Variants in BRINP3 observed in about 807,000 individuals in gnomAD.
The protein encoded by BRINP3 is BMP/retinoic acid inducible neural specific 3, also known as BMP/retinoic acid-inducible neural-specific protein 3.
Under a neutral mutation model 71.0 loss-of-function variants are expected in BRINP3, and 19 were observed. The ratio of observed to expected loss-of-function variants is 0.27; its 90% CI spans 0.19 to 0.39. The LOEUF is 0.39. Ranked by LOEUF, BRINP3 falls within the 10% of genes least tolerant of loss-of-function variation. The pLI, the probability that BRINP3 is intolerant of heterozygous loss-of-function variation, is 1.00. For missense variants in BRINP3, 959 were observed against 940.8 expected (o/e 1.02, Z -0.25); for synonymous variants, 380 against 337.7 (o/e 1.13, Z -1.37).
intron 2 of BRINP3, among the ~76,000 whole-genome samples, chr1:190,288,859 TA>T (rs1663636202): frequency 6.6e-6 from 1 of 151,906 alleles, no homozygotes; most frequent in Admixed American, 6.6e-5. Flanking sequence ...TTGTTCCAGG[TA>T]TAGACTAATA....
chr1:190,445,964 G>A (rs1053870249), intron 2 of BRINP3, among the ~76,000 whole-genome samples: 8 of 152,058 alleles, frequency 5.3e-5, no homozygotes, highest in Admixed American at 3.3e-4. Context: ...TAACAAACAT[G>A]AATACACTAT....
intron 2 of BRINP3, among the ~76,000 whole-genome samples, chr1:190,400,660 C>T (rs1332612439): frequency 6.6e-6 from 1 of 152,142 alleles, no homozygotes. Flanking sequence ...CACCTATAAG[C>T]ACCATTCTTC....
chr1:190,262,927 CT>C (rs1469329913), intron 4 of BRINP3, among the ~76,000 whole-genome samples: 3 of 151,428 alleles, frequency 2.0e-5, no homozygotes, highest in Non-Finnish European at 4.4e-5. Context: ...ATATATATTT[CT>C]TTTTTTGTGC....
intron 2 of BRINP3, among the ~76,000 whole-genome samples, chr1:190,441,172 T>C (rs916112764): frequency 6.6e-6 from 1 of 151,762 alleles, no homozygotes; most frequent in Admixed American, 6.6e-5. Flanking sequence ...TTAATACAGA[T>C]CCACAGTGCT....
chr1:190,269,708 T>C (rs897056817), intron 3 of BRINP3, among the ~76,000 whole-genome samples: 1 of 152,088 alleles, frequency 6.6e-6, no homozygotes, highest in Non-Finnish European at 1.5e-5. Context: ...GCTATATTAC[T>C]TTGCAATGAC....
At chr1:190,326,523 A>G (rs1290393885) in intron 2 of BRINP3, among the ~76,000 whole-genome samples, 2 of 152,100 alleles carry the variant, frequency 1.3e-5, no homozygotes, top group Non-Finnish European at 2.9e-5. Flanking sequence ...TCACCAATAC[A>G]GAAAAAAATC....
chr1:190,215,931 C>G (rs1656373534), intron 6 of BRINP3, among the ~76,000 whole-genome samples: 1 of 150,118 alleles, frequency 6.7e-6, no homozygotes, highest in Non-Finnish European at 1.5e-5. Context: ...TTATATAGAC[C>G]AATCTCTTTA....
At chr1:190,425,387 C>T (rs1226290758) in intron 2 of BRINP3, among the ~76,000 whole-genome samples, 1 of 151,710 alleles carries the variant, frequency 6.6e-6, no homozygotes, top group African/African-American at 2.4e-5. Flanking sequence ...GATTTTGTCT[C>T]AACATAAGCA....
intron 7 of BRINP3, among the ~76,000 whole-genome samples, chr1:190,109,811 C>G (rs1278920274): frequency 2.6e-5 from 4 of 152,182 alleles, no homozygotes; most frequent in African/African-American, 9.7e-5. Context: ...AGACTTGCAC[C>G]AGTAGTCCCT....
chr1:190,389,260 C>A (rs1265505396), intron 2 of BRINP3, among the ~76,000 whole-genome samples: 5 of 151,656 alleles, frequency 3.3e-5, no homozygotes, highest in African/African-American at 1.2e-4. Context: ...CCTGTGATCT[C>A]TTTCCCTACC....
chr1:190,201,746 C>T (rs1181707535), intron 6 of BRINP3, among the ~76,000 whole-genome samples: 1 of 152,006 alleles, frequency 6.6e-6, no homozygotes, highest in African/African-American at 2.4e-5. Flanking sequence ...TCAAAAGGTG[C>T]AAGCCTTAAT....
chr1:190,227,492 A>G (rs1008641556), intron 5 of BRINP3, among the ~76,000 whole-genome samples: 3 of 151,892 alleles, frequency 2.0e-5, no homozygotes, highest in Non-Finnish European at 4.4e-5. Flanking sequence ...AGGGTGACTG[A>G]GAAATTTATT....
chr1:190,155,147 G>A (rs899812779), intron 7 of BRINP3, among the ~76,000 whole-genome samples: 2 of 152,004 alleles, frequency 1.3e-5, no homozygotes, highest in South Asian at 4.1e-4. Flanking sequence ...TAAGTTGAAA[G>A]AGCATATATA....
chr1:190,375,785 G>T (rs1349792177), intron 2 of BRINP3, among the ~76,000 whole-genome samples: 1 of 151,736 alleles, frequency 6.6e-6, no homozygotes, highest in East Asian at 1.9e-4. Context: ...ATTTCAAAAA[G>T]GCCCTCTGAT....
intron 7 of BRINP3, among the ~76,000 whole-genome samples, chr1:190,117,686 G>A (rs1395000514): frequency 6.6e-6 from 1 of 151,958 alleles, no homozygotes. Context: ...AATCACAAAT[G>A]TCATTATCAC....
At chr1:190,286,825 C>T (rs1046258682) in intron 2 of BRINP3, among the ~76,000 whole-genome samples, 1 of 152,196 alleles carries the variant, frequency 6.6e-6, no homozygotes, top group East Asian at 1.9e-4. Flanking sequence ...ATTCTAATTA[C>T]ATCTGTAAAA....
chr1:190,389,301 C>A (rs961174119), intron 2 of BRINP3, among the ~76,000 whole-genome samples: 2 of 151,810 alleles, frequency 1.3e-5, no homozygotes, highest in African/African-American at 2.4e-5. Context: ...TCCCCCATTT[C>A]TTCCTCTTAG....
chr1:190,372,924 AATTCCAGGACCTC>A (rs1669954575), intron 2 of BRINP3, among the ~76,000 whole-genome samples: 2 of 152,172 alleles, frequency 1.3e-5, no homozygotes, highest in South Asian at 4.1e-4. Context: ...TTAGAGAATA[AATTCCAGGACCTC>A]ATTTAAAGAA....
chr1:190,407,084 C>T (rs1394661503), intron 2 of BRINP3, among the ~76,000 whole-genome samples: 2 of 152,118 alleles, frequency 1.3e-5, no homozygotes, highest in African/African-American at 4.8e-5. Flanking sequence ...AAAAAGCACT[C>T]AATTTTATAG....
Sources: gnomAD v4.1 joint callset for allele counts (sites outside exome capture counted in the v4.1 genomes callset) on GRCh38, gnomAD v4.1.1 for gene constraint, MANE v1.5 for transcripts, NCBI Gene and HGNC (gene_info 2026-07-23, HGNC 2026-07-21) for gene names.